OPHN1: variants seen among roughly 807,000 people sequenced by gnomAD.
OPHN1 encodes oligophrenin 1.
OPHN1 carries 11 observed loss-of-function variants against 60.7 expected under a neutral mutation model. The observed-to-expected ratio is 0.18, with a 90% CI of 0.11 to 0.30. The LOEUF (loss-of-function observed/expected upper bound fraction) is 0.30. Among genes scored for constraint, OPHN1 ranks in the 10% least tolerant of loss-of-function variants. The probability of loss-of-function intolerance (pLI) is 1.00; values close to 1 mark genes in which losing one functional copy is unlikely to be tolerated. For synonymous variants in OPHN1, 226 were observed against 222.6 expected (o/e 1.02, Z -0.14); for missense variants, 449 against 611.0 (o/e 0.73, Z 2.80).
chrX:68,405,988 A>C (rs763037730), intron 2 of OPHN1, among the ~76,000 whole-genome samples: 71 of 109,150 alleles, frequency 6.5e-4, no homozygotes, highest in African/African-American at 2.3e-3. Flanking sequence ...CTACTAAAAT[A>C]CAAAAAAATA....
At chrX:68,402,290 GAAAGA>G (rs778143361) in intron 2 of OPHN1, among the ~76,000 whole-genome samples, 132 of 102,684 alleles carry the variant, frequency 1.3e-3, no homozygotes, top group Admixed American at 2.8e-3. Flanking sequence ...AAAGAAGGGA[GAAAGA>G]AAAGAAAAGA....
intron 2 of OPHN1, among the ~76,000 whole-genome samples, chrX:68,399,716 T>C (rs1472913298): frequency 9.1e-6 from 1 of 110,455 alleles, no homozygotes; most frequent in Admixed American, 9.6e-5. Flanking sequence ...TAAAACCCTC[T>C]GAGGGGTTCA....
rs756730132 is a variant in OPHN1 at position 68,187,668 on chromosome X, C to T, written c.1276+5251G>A. On this transcript the variant is annotated intron_variant, in intron 15 of 24. Coordinates refer to ENST00000355520, the MANE Select transcript of OPHN1 (RefSeq NM_002547.3). ...TTTGAGGTGGAGTCTTGCTCTGTCG[C>T]CCAGGCTGGAGTGCAGTGGTGCCAT... 9.5e-4 allele frequency among the ~76,000 whole-genome samples: 105 copies of T among 111,052 alleles called. 1 individual carries two copies. The highest frequency in any genetic ancestry group is 9.2e-3 in the Middle Eastern group (2 of 217).
chrX:68,345,662 C>G (rs1325407933), intron 2 of OPHN1, among the ~76,000 whole-genome samples: 1 of 111,211 alleles, frequency 9.0e-6, no homozygotes, highest in Non-Finnish European at 1.9e-5. Flanking sequence ...TCCAGACCAG[C>G]CTGGGAAACA....
intron 20 of OPHN1, among the ~76,000 whole-genome samples, chrX:68,072,662 G>A (rs989788632): frequency 6.3e-5 from 7 of 111,442 alleles, no homozygotes; most frequent in Non-Finnish European, 1.3e-4. Flanking sequence ...GGCACATTTA[G>A]AATGGGTGTA....
At chrX:68,301,244 G>A (rs910294587) in intron 2 of OPHN1, among the ~76,000 whole-genome samples, 1 of 110,475 alleles carries the variant, frequency 9.1e-6, no homozygotes, top group African/African-American at 3.3e-5. Flanking sequence ...TCAGGAGTTC[G>A]AGACCAGCTT....
intron 2 of OPHN1, among the ~76,000 whole-genome samples, chrX:68,342,078 T>TC (rs1484636479): frequency 9.9e-6 from 1 of 101,263 alleles, no homozygotes; most frequent in Admixed American, 1.1e-4. Context: ...CAAGTGATCC[T>TC]CCCACCTCAG....
At chrX:68,160,243 C>T (rs1015251755) in intron 15 of OPHN1, among the ~76,000 whole-genome samples, 7 of 110,288 alleles carry the variant, frequency 6.3e-5, no homozygotes, top group Non-Finnish European at 1.3e-4. Flanking sequence ...AAAGTATAAA[C>T]ACACATACAA....
chrX:68,377,571 T>G (rs1454780880), intron 2 of OPHN1, among the ~76,000 whole-genome samples: 1 of 107,720 alleles, frequency 9.3e-6, no homozygotes, highest in African/African-American at 3.4e-5. Flanking sequence ...CCTAATGCTA[T>G]CCCTCCTCCT....
At chrX:68,192,757 T>G (rs1341751158) in intron 15 of OPHN1, 162 bp downstream of exon 15, 1 of 462,861 alleles carries the variant, frequency 2.2e-6, no homozygotes, top group Non-Finnish European at 3.8e-6. Context: ...AAGGTACGAT[T>G]GACTCTGCCC....
chrX:68,103,116 C>A (rs1356567693), intron 18 of OPHN1, among the ~76,000 whole-genome samples: 1 of 111,923 alleles, frequency 8.9e-6, no homozygotes, highest in South Asian at 3.7e-4. Context: ...AACATTGATG[C>A]GGAAATCCTC....
chrX:68,217,120 C>T (rs745679695), intron 6 of OPHN1, among the ~76,000 whole-genome samples: 15 of 111,823 alleles, frequency 1.3e-4, no homozygotes, highest in East Asian at 5.7e-4. Context: ...ACTTGGGAAG[C>T]GCAAGGGGTC....
At chrX:68,397,524 A>T (rs112507469) in intron 2 of OPHN1, among the ~76,000 whole-genome samples, 1,433 of 30,558 alleles carry the variant, frequency 0.047, 26 homozygotes, top group East Asian at 0.082. Context: ...TTATTTATTT[A>T]TTTTTTTTTT....
At chrX:68,151,229 T>C (rs2077284139) in intron 15 of OPHN1, among the ~76,000 whole-genome samples, 1 of 112,287 alleles carries the variant, frequency 8.9e-6, no homozygotes, top group Admixed American at 9.4e-5. Context: ...TCTACCATTG[T>C]AGGAGAAAAG....
chrX:68,060,564 T>C (rs1007057271), intron 21 of OPHN1, among the ~76,000 whole-genome samples: 1 of 112,398 alleles, frequency 8.9e-6, no homozygotes, highest in African/African-American at 3.2e-5. Context: ...AAGTTGACTG[T>C]CATGGAAAAA....
intron 2 of OPHN1, among the ~76,000 whole-genome samples, chrX:68,390,888 A>G (rs1363491400): frequency 1.8e-5 from 2 of 111,874 alleles, no homozygotes; most frequent in African/African-American, 6.5e-5. Context: ...AAATGACACA[A>G]ATTTATTATC....
chrX:68,095,463 G>A (rs1177182642), intron 19 of OPHN1, among the ~76,000 whole-genome samples: 1 of 112,364 alleles, frequency 8.9e-6, no homozygotes, highest in African/African-American at 3.2e-5. Flanking sequence ...TTAAGGAAAA[G>A]CTTTCTGATC....
At chrX:68,109,007 A>G (rs1394126591) in intron 18 of OPHN1, among the ~76,000 whole-genome samples, 1 of 111,681 alleles carries the variant, frequency 9.0e-6, no homozygotes, top group Non-Finnish European at 1.9e-5. Context: ...CATTTATTGA[A>G]ATATATTTTA....
At chrX:68,147,840 G>A (rs970334409) in intron 15 of OPHN1, among the ~76,000 whole-genome samples, 7 of 111,445 alleles carry the variant, frequency 6.3e-5, no homozygotes, top group Non-Finnish European at 1.1e-4. Flanking sequence ...TAAGCTTCAT[G>A]GCTAGCTCCA....
Sources: allele counts gnomAD v4.1 joint callset (sites outside exome capture counted in the v4.1 genomes callset), GRCh38; gene constraint gnomAD v4.1.1; transcripts MANE v1.5; gene names NCBI Gene and HGNC (gene_info 2026-07-23, HGNC 2026-07-21).